PBRM1: variants seen among roughly 807,000 people sequenced by gnomAD.
PBRM1 encodes protein polybromo-1.
In PBRM1, 27 loss-of-function variants were observed where a neutral mutation model predicts 194.5. That is an observed-to-expected ratio of 0.14 (90% CI 0.10 to 0.19). The LOEUF is 0.19. PBRM1 is among the 10% of genes least tolerant of loss of function. PBRM1 has a pLI of 1.00. For synonymous variants in PBRM1, 655 were observed against 693.2 expected (o/e 0.94, Z 0.87); for missense variants, 1,466 against 2,077.2 (o/e 0.71, Z 5.72).
rs916969784 is a variant in PBRM1 at position 52,660,479 on chromosome 3, T to C, written c.528+1654A>G. Among the ~76,000 whole-genome samples the C allele has an allele frequency of 2.6e-5, 4 of 151,964 alleles. No homozygotes were observed. In the East Asian group the frequency reaches 7.7e-4, roughly 29 times the overall value. On this transcript the variant is annotated intron_variant, in intron 4 of 29. Coordinates refer to ENST00000296302, the Ensembl canonical transcript of PBRM1. ...AAAATATATGAACTACATGTATATGTGTGTATATATATTTTGTGTATATCT... is the reference window on the plus strand; with the variant it reads ...AAAATATATGAACTACATGTATATGCGTGTATATATATTTTGTGTATATCT...
chr3:52,602,694 T>A (rs369806629), intron 17 of PBRM1, among the ~76,000 whole-genome samples: 4 of 152,358 alleles, frequency 2.6e-5, no homozygotes, highest in African/African-American at 9.6e-5. Flanking sequence ...CACATATATA[T>A]TCACTATCTT....
At chr3:52,590,879 T>A (rs1200246316) in intron 17 of PBRM1, among the ~76,000 whole-genome samples, 1 of 152,256 alleles carries the variant, frequency 6.6e-6, no homozygotes, top group Non-Finnish European at 1.5e-5. Flanking sequence ...ATAACATTGA[T>A]TCTTCCTATC....
chr3:52,684,368 A>G (rs977716585), upstream of PBRM1, among the ~76,000 whole-genome samples: 3 of 152,066 alleles, frequency 2.0e-5, no homozygotes, highest in Admixed American at 6.5e-5. Context: ...CAACTGGGAG[A>G]ATATCGACTT....
At chr3:52,653,712 C>A (rs1231888958) in intron 5 of PBRM1, among the ~76,000 whole-genome samples, 1 of 152,144 alleles carries the variant, frequency 6.6e-6, no homozygotes, top group South Asian at 2.1e-4. Context: ...GAGTTCAAGA[C>A]CAGCCTGGCC....
At chr3:52,642,022 C>T (rs200106731) in exon 10 of PBRM1, 2 of 1,584,112 alleles carry the variant, frequency 1.3e-6, no homozygotes, top group Admixed American at 1.7e-5. Context: ...TGATAAACGA[C>T]CTCCTTGTAC....
At chr3:52,592,886 GA>G (rs1361644644) in intron 17 of PBRM1, among the ~76,000 whole-genome samples, 4 of 152,186 alleles carry the variant, frequency 2.6e-5, no homozygotes, top group African/African-American at 9.6e-5. Flanking sequence ...TCAGTCTTGC[GA>G]GGGTGTATGT....
In PBRM1 at chr3:52,590,146, A is replaced by C. The variant is rs1260412593; in HGVS notation, c.2780-891T>G. Among the ~76,000 whole-genome samples, 5 of 151,832 alleles carry C rather than the reference A, an allele frequency of 3.3e-5. No individual in the cohort carries two copies. In the East Asian group the frequency reaches 9.8e-4, roughly 30 times the overall value. On this transcript the variant is annotated intron_variant, in intron 17 of 29. Transcript: ENST00000296302. ...AGATGACTTTTATTTTTGTTAAGTA[A>C]AACTTATTAATAGTTCCAGTACAGG...
chr3:52,579,433 A>T (rs1251100690), intron 20 of PBRM1, among the ~76,000 whole-genome samples: 1 of 152,030 alleles, frequency 6.6e-6, no homozygotes, highest in Non-Finnish European at 1.5e-5. Context: ...TGAAGAAAGA[A>T]ATTAAAATAA....
chr3:52,585,074 G>T (rs1251216520), intron 20 of PBRM1, among the ~76,000 whole-genome samples: 1 of 152,146 alleles, frequency 6.6e-6, no homozygotes, highest in African/African-American at 2.4e-5. Context: ...TGCTTTCTTA[G>T]AATGAATTCC....
intron 11 of PBRM1, 76 bp downstream of exon 12, chr3:52,634,526 T>C: frequency 2.1e-6 from 2 of 966,560 alleles, no homozygotes; most frequent in Admixed American, 3.9e-5. Flanking sequence ...TTATCCATTT[T>C]AGGAAGAAAT....
intron 22 of PBRM1, among the ~76,000 whole-genome samples, chr3:52,574,679 C>A (rs917709023): frequency 2.0e-5 from 3 of 152,182 alleles, no homozygotes; most frequent in Admixed American, 2.0e-4. Flanking sequence ...TTCTGGCTGA[C>A]CTTCAAGCTC....
intron 22 of PBRM1, among the ~76,000 whole-genome samples, chr3:52,574,982 C>T (rs1575873228): frequency 2.0e-5 from 3 of 152,080 alleles, no homozygotes; most frequent in South Asian, 4.1e-4. Context: ...CTCACTGCAG[C>T]CTCGACCTCC....
exon 10 of PBRM1, chr3:52,642,039 T>C (rs1258480245): frequency 1.3e-6 from 2 of 1,537,472 alleles, no homozygotes; most frequent in Admixed American, 3.5e-5. Flanking sequence ...GTACTGCTCT[T>C]TTATTACTAC....
intron 5 of PBRM1, 58 bp downstream of exon 6, chr3:52,658,141 T>C: frequency 1.2e-6 from 1 of 827,414 alleles, no homozygotes; most frequent in Non-Finnish European, 2.1e-6. Flanking sequence ...TTAATACAAT[T>C]CTTGAAGTAC....
intron 2 of PBRM1, among the ~76,000 whole-genome samples, chr3:52,669,236 C>CG (rs1193481025): frequency 7.7e-6 from 1 of 129,774 alleles, no homozygotes; most frequent in Non-Finnish European, 1.8e-5. Context: ...CCAAACTCTT[C>CG]GGAAAAAAAA....
intron 27 of PBRM1, among the ~76,000 whole-genome samples, chr3:52,552,686 C>T (rs770807243): frequency 6.6e-6 from 1 of 152,234 alleles, no homozygotes; most frequent in East Asian, 1.9e-4. Context: ...CACCAAAAGA[C>T]ATCTGCAACC....
chr3:52,683,188 G>GC (rs554977552), upstream of PBRM1, among the ~76,000 whole-genome samples: 9 of 149,470 alleles, frequency 6.0e-5, no homozygotes, highest in South Asian at 1.9e-3. Context: ...GGACGTCAGA[G>GC]CAAGACTCTG....
chr3:52,656,812 C>T (rs1198970778), intron 5 of PBRM1, among the ~76,000 whole-genome samples: 1 of 152,006 alleles, frequency 6.6e-6, no homozygotes, highest in Admixed American at 6.6e-5. Context: ...GCCTGTATAC[C>T]CAGCTACTTG....
intron 12 of PBRM1, 85 bp downstream of exon 13, chr3:52,628,809 A>G: frequency 8.2e-7 from 1 of 1,226,244 alleles, no homozygotes. Context: ...GGGGGGGATC[A>G]CACATCTTAC....
Sources: allele counts gnomAD v4.1 joint callset (sites outside exome capture counted in the v4.1 genomes callset), GRCh38; gene constraint gnomAD v4.1.1; transcripts MANE v1.5; gene names NCBI Gene and HGNC (gene_info 2026-07-23, HGNC 2026-07-21).